The following STX18 variants were observed in gnomAD, a reference collection of about 807,000 sequenced individuals.
STX18 encodes syntaxin 18, also known as syntaxin-18.
A neutral mutation model predicts 50.1 loss-of-function variants in STX18; 40 were observed. The ratio of observed to expected loss-of-function variants is 0.80; its 90% CI spans 0.62 to 1.04. STX18 has a LOEUF of 1.04. Among genes scored for constraint, STX18 ranks in the 50% least tolerant of loss-of-function variants. The pLI is 0.00. For missense variants in STX18, 410 were observed against 415.8 expected (o/e 0.99, Z 0.12); for synonymous variants, 158 against 151.8 (o/e 1.04, Z -0.30).
rs565860226 is a variant in STX18 at position 4,461,397 on chromosome 4, A to G, written c.237-1910T>C. Reference sequence around the variant, plus strand: ...TCATTCAGAGATCTAGCCACAGGCTATCTAGGTTACATGCTGTTCTGCTCT... The same window carrying G: ...TCATTCAGAGATCTAGCCACAGGCTGTCTAGGTTACATGCTGTTCTGCTCT... On this transcript the variant is annotated intron_variant, in intron 2 of 10. Coordinates refer to ENST00000306200, the MANE Select transcript of STX18 (RefSeq NM_016930.4). Among the ~76,000 whole-genome samples, 215 of 152,336 alleles carry G rather than the reference A, an allele frequency of 1.4e-3. 1 individual carries two copies. The highest frequency in any genetic ancestry group is 1.7e-3 in the Non-Finnish European group (118 of 68,040).
chr4:4,447,094 T>C (rs1726450226), intron 5 of STX18, among the ~76,000 whole-genome samples: 1 of 152,234 alleles, frequency 6.6e-6, no homozygotes, highest in Non-Finnish European at 1.5e-5. Context: ...GGTATACACA[T>C]ATGATTATTA....
chr4:4,420,109 G>A lies in STX18; in HGVS notation c.933C>T (p.Gly311=), dbSNP rs891817964. ...DIREAIKNNA[G]FRVWILFFLV... ...GGAAGAAGAGGATCCACACGCGGAA[G>A]CCAGCGTTGTTTTTAATGGCCTGGG... Residue 311 remains glycine (G), a synonymous_variant, in exon 11 of 11, where the codon GGC becomes GGT. Transcript: ENST00000306200. The surrounding 1 kb of genome is among the most constrained non-coding windows in gnomAD (Gnocchi z 4.3). 23 of 1,612,702 alleles carry A rather than the reference G, an allele frequency of 1.4e-5. No individual in the cohort carries two copies. The highest frequency in any genetic ancestry group is 1.8e-5 in the Non-Finnish European group (21 of 1,179,428).
chr4:4,531,364 A>C (rs1731090013), intron 1 of STX18, among the ~76,000 whole-genome samples: 1 of 152,216 alleles, frequency 6.6e-6, no homozygotes, highest in African/African-American at 2.4e-5. Flanking sequence ...ATCTGTCTAC[A>C]AAATTTTGCA....
chr4:4,427,592 T>C (rs1399081669), intron 7 of STX18, among the ~76,000 whole-genome samples: 1 of 152,272 alleles, frequency 6.6e-6, no homozygotes, highest in East Asian at 1.9e-4. Flanking sequence ...CCTGACCTTT[T>C]AAATCCACAG....
chr4:4,517,196 CCT>C (rs770970438), intron 1 of STX18, among the ~76,000 whole-genome samples: 4 of 152,150 alleles, frequency 2.6e-5, no homozygotes, highest in African/African-American at 4.8e-5. Flanking sequence ...ACATTCTTCC[CCT>C]GATTCCCACC....
chr4:4,507,695 G>A (rs1000532141), intron 1 of STX18: 11 of 902,722 alleles, frequency 1.2e-5, no homozygotes, highest in South Asian at 2.6e-5. Context: ...GCAGAACAAC[G>A]TGGAACACAG....
At chr4:4,443,057 C>T (rs191821929) in intron 5 of STX18, among the ~76,000 whole-genome samples, 1 of 152,322 alleles carries the variant, frequency 6.6e-6, no homozygotes, top group Admixed American at 6.5e-5. Flanking sequence ...GAAGTAGGCA[C>T]TTCCGTATAT....
At chr4:4,446,798 C>T in intron 5 of STX18, among the ~76,000 whole-genome samples, 1 of 151,778 alleles carries the variant, frequency 6.6e-6, no homozygotes, top group East Asian at 1.9e-4. Flanking sequence ...AGTTGTTTAC[C>T]CAAAAGAAAT....
intron 1 of STX18, among the ~76,000 whole-genome samples, chr4:4,534,240 C>T (rs957479654): frequency 5.9e-5 from 9 of 152,156 alleles, no homozygotes; most frequent in African/African-American, 1.7e-4. Flanking sequence ...AGTTATCCAC[C>T]ACATGCTGTC....
At chr4:4,538,692 C>T (rs1731450190) in intron 1 of STX18, among the ~76,000 whole-genome samples, 1 of 151,988 alleles carries the variant, frequency 6.6e-6, no homozygotes, top group South Asian at 2.1e-4. Context: ...AGGGTATTAT[C>T]ACGTCCACTT....
Position 4,420,318 on chromosome 4 carries a change from T to C in STX18, c.913-189A>G. Reference sequence around the variant, plus strand: ...AAGACAAATGGGTTATATTTCCCTCTGTTTGGCCATCATTTGGGTCCTGCA... The same window carrying C: ...AAGACAAATGGGTTATATTTCCCTCCGTTTGGCCATCATTTGGGTCCTGCA... On this transcript the variant is annotated intron_variant, in intron 10 of 10. Transcript: ENST00000306200. The surrounding 1 kb of genome is among the most constrained non-coding windows in gnomAD (Gnocchi z 4.3). 2 of 576,438 alleles carry C rather than the reference T, an allele frequency of 3.5e-6. No individual in the cohort carries two copies. The highest frequency in any genetic ancestry group is 1.9e-5 in the African/African-American group (1 of 53,478). The allele number at this position is 576,438 out of a possible 1,614,324, so 35.7% of individuals were successfully genotyped here.
rs996204584 is a variant in STX18 at position 4,459,360 on chromosome 4, A to G, written c.352+12T>C. ...TCATGGTTGCTTGTTTGCATCTTTCAGAGCACTTTACCTTCTGTTCGTAGT... is the reference window on the plus strand; with the variant it reads ...TCATGGTTGCTTGTTTGCATCTTTCGGAGCACTTTACCTTCTGTTCGTAGT... On this transcript the variant is annotated intron_variant, in intron 3 of 10. Coordinates refer to ENST00000306200, the MANE Select transcript of STX18 (RefSeq NM_016930.4). 1.2e-6 allele frequency: 2 copies of G among 1,600,704 alleles called. No homozygotes were observed. Among genetic ancestry groups the G allele is most frequent in the Non-Finnish European group, 8.6e-7 (1 of 1,168,180 alleles).
Position 4,420,206 on chromosome 4 carries a change from C to G in STX18, c.913-77G>C. On this transcript the variant is annotated intron_variant, in intron 10 of 10. Coordinates refer to ENST00000306200, the MANE Select transcript of STX18 (RefSeq NM_016930.4). This position sits in a 1 kb window ranked among gnomAD's most constrained non-coding sequence, Gnocchi z 4.3. Reference sequence around the variant, plus strand: ...AGCAGCCCTGAAATGCCCCCCTCTTCCCACGTGCTCTCCTGATCCTGGCTG... The same window carrying G: ...AGCAGCCCTGAAATGCCCCCCTCTTGCCACGTGCTCTCCTGATCCTGGCTG... 9.0e-7 allele frequency: 1 copy of G among 1,114,446 alleles called. No homozygotes were observed. Among genetic ancestry groups the G allele is most frequent in the Non-Finnish European group, 1.3e-6 (1 of 758,736 alleles). 69.0% of individuals were successfully genotyped at this position (1,114,446 alleles called of 1,614,324 possible). A position where few individuals can be genotyped will look rare whatever the true frequency, so the allele number is the denominator to read the frequency against.
intron 1 of STX18, among the ~76,000 whole-genome samples, chr4:4,480,021 T>C (rs1273650833): frequency 1.3e-5 from 2 of 152,208 alleles, no homozygotes. Context: ...AAACAGAGGT[T>C]GCCCAAAGCA....
intron 5 of STX18, among the ~76,000 whole-genome samples, chr4:4,455,370 G>A (rs911511387): frequency 1.3e-5 from 2 of 152,178 alleles, no homozygotes; most frequent in African/African-American, 4.8e-5. Flanking sequence ...TGACTGATCT[G>A]CTTACTATCT....
intron 5 of STX18, 141 bp downstream of exon 5, chr4:4,457,050 T>G: frequency 1.4e-6 from 1 of 732,544 alleles, no homozygotes; most frequent in Non-Finnish European, 2.3e-6. Context: ...ACACAGTGAG[T>G]GCCCGGTAGC....
intron 2 of STX18, among the ~76,000 whole-genome samples, chr4:4,461,466 G>A (rs1457369496): frequency 1.3e-5 from 2 of 152,228 alleles, no homozygotes; most frequent in South Asian, 2.1e-4. Flanking sequence ...GGTCAATAAA[G>A]TCTGAGCTCT....
At chr4:4,447,162 T>C (rs1726454060) in intron 5 of STX18, among the ~76,000 whole-genome samples, 1 of 152,226 alleles carries the variant, frequency 6.6e-6, no homozygotes, top group African/African-American at 2.4e-5. Context: ...GATGTAGGAA[T>C]TGAGCAACCT....
intron 1 of STX18, among the ~76,000 whole-genome samples, chr4:4,505,816 A>G (rs1234511760): frequency 3.3e-5 from 5 of 152,138 alleles, no homozygotes; most frequent in Admixed American, 1.3e-4. Flanking sequence ...AAATCGAAGT[A>G]TGGTTTCTAC....
Sources: gnomAD v4.1 joint callset for allele counts (sites outside exome capture counted in the v4.1 genomes callset) on GRCh38, gnomAD v4.1.1 for gene constraint, Gnocchi (gnomAD v3.1) non-coding constraint, MANE v1.5 for transcripts, NCBI Gene and HGNC (gene_info 2026-07-23, HGNC 2026-07-21) for gene names.